The following IMMP2L variants were observed in gnomAD, a reference collection of about 807,000 sequenced individuals.
The protein encoded by IMMP2L is mitochondrial inner membrane protease subunit 2.
Under a neutral mutation model 19.3 loss-of-function variants are expected in IMMP2L, and 18 were observed. The ratio of observed to expected loss-of-function variants is 0.93; its 90% confidence interval spans 0.64 to 1.38. The LOEUF (loss-of-function observed/expected upper bound fraction) is 1.38. IMMP2L is among the 40% of genes most tolerant of loss of function. The probability of loss-of-function intolerance (pLI) is 0.00; values close to 1 mark genes in which losing one functional copy is unlikely to be tolerated. For synonymous variants in IMMP2L, 76 were observed against 73.0 expected, an observed-to-expected ratio of 1.04 and a Z score of -0.21; for missense variants, 233 against 218.2, an observed-to-expected ratio of 1.07 and a Z score of -0.43.
At chr7:110,792,594 C>G (rs1800539065) in intron 5 of IMMP2L, among the ~76,000 whole-genome samples, 2 of 152,190 alleles carry the variant, frequency 1.3e-5, no homozygotes, top group African/African-American at 4.8e-5. Flanking sequence ...CCCCACAGTA[C>G]AGTTTCTCCC....
intron 5 of IMMP2L, among the ~76,000 whole-genome samples, chr7:110,722,998 A>T (rs534623238): frequency 6.6e-6 from 1 of 152,178 alleles, no homozygotes; most frequent in South Asian, 2.1e-4. Context: ...ACTTGTCTTC[A>T]GTTCTATGTA....
intron 3 of IMMP2L, among the ~76,000 whole-genome samples, chr7:111,269,642 G>GT (rs200603165): frequency 0.091 from 13,733 of 151,308 alleles, 666 homozygotes; most frequent in Middle Eastern, 0.12. Context: ...ATGTATTACA[G>GT]TTTTTTTTAA....
chr7:111,123,085 T>C lies in IMMP2L; in HGVS notation c.240-159520A>G. The C allele has an allele frequency of 1.2e-6, 2 of 1,613,818 alleles. No individual in the cohort carries two copies. The highest frequency in any genetic ancestry group is 1.7e-6 in the Non-Finnish European group (2 of 1,179,912). ...CCTGGATTTATCTCAAAACAATTTATCTTCAGTCACCAATATTAATGTAAA... is the reference window on the plus strand; with the variant it reads ...CCTGGATTTATCTCAAAACAATTTACCTTCAGTCACCAATATTAATGTAAA... On this transcript the variant is annotated intron_variant, in intron 3 of 5. Coordinates refer to ENST00000405709, the MANE Select transcript of IMMP2L (RefSeq NM_032549.4). The surrounding 1 kb of genome is among the most constrained non-coding windows in gnomAD (Gnocchi z 6.4).
At chr7:110,871,028 C>A (rs1433782264) in intron 5 of IMMP2L, among the ~76,000 whole-genome samples, 1 of 151,950 alleles carries the variant, frequency 6.6e-6, no homozygotes, top group Non-Finnish European at 1.5e-5. Context: ...GAATAAAGCA[C>A]GTGACTCTAG....
intron 3 of IMMP2L, among the ~76,000 whole-genome samples, chr7:111,323,159 A>T (rs963180792): frequency 1.3e-5 from 2 of 151,962 alleles, no homozygotes; most frequent in Admixed American, 1.3e-4. Flanking sequence ...AGTCAGAAAA[A>T]CAGCAAAATT....
chr7:110,861,069 TTG>T lies in IMMP2L; in HGVS notation c.408+25522_408+25523del, dbSNP rs754363475. On this transcript the variant is annotated intron_variant, in intron 5 of 5. Transcript: ENST00000405709. ...TAAAAGAATGACTACCACCAGCAGT[TTG>T]TGTGTGTGTGTGTGTGTGTGTGTGT... Among the ~76,000 whole-genome samples, 761 of 129,072 alleles carry T rather than the reference TTG, an allele frequency of 5.9e-3. 4 individuals are homozygous for T. Among genetic ancestry groups the T allele is most frequent in the Non-Finnish European group, 9.5e-3 (581 of 60,866 alleles). The allele number at this position is 129,072 out of a possible 152,430, so 84.7% of individuals were successfully genotyped here.
intron 3 of IMMP2L, among the ~76,000 whole-genome samples, chr7:111,036,238 G>A (rs1007083844): frequency 2.3e-4 from 35 of 151,862 alleles, no homozygotes; most frequent in Admixed American, 2.2e-3. Context: ...CCTTTCCTCC[G>A]AAACCTTCCT....
chr7:110,961,305 T>C (rs1283203775), intron 4 of IMMP2L, among the ~76,000 whole-genome samples: 1 of 151,910 alleles, frequency 6.6e-6, no homozygotes, highest in African/African-American at 2.4e-5. Flanking sequence ...TATTTGCATA[T>C]AACTATGCAC....
intron 1 of IMMP2L, among the ~76,000 whole-genome samples, chr7:111,522,951 A>C (rs1294737287): frequency 2.0e-5 from 3 of 150,848 alleles, no homozygotes; most frequent in Non-Finnish European, 2.9e-5. Context: ...TTTCACCATA[A>C]AAAAAGAATG....
At chr7:110,753,782 TTAG>T (rs750003559) in intron 5 of IMMP2L, among the ~76,000 whole-genome samples, 21 of 143,126 alleles carry the variant, frequency 1.5e-4, no homozygotes, top group Non-Finnish European at 2.9e-4. Flanking sequence ...GTGTGTGTGG[TTAG>T]TAGAAGACGA....
At chr7:110,787,419 GCAGTTGCTT>G (rs1800159078) in intron 5 of IMMP2L, among the ~76,000 whole-genome samples, 1 of 151,820 alleles carries the variant, frequency 6.6e-6, no homozygotes, top group African/African-American at 2.4e-5. Context: ...GAGGGCTTAC[GCAGTTGCTT>G]TATGCCAATT....
chr7:110,888,092 G>A (rs994445704), intron 4 of IMMP2L, among the ~76,000 whole-genome samples: 6 of 152,156 alleles, frequency 3.9e-5, no homozygotes, highest in African/African-American at 7.2e-5. Context: ...TTCATGCAAC[G>A]AAGCAATATT....
chr7:111,182,946 G>C (rs1008256897), intron 3 of IMMP2L, among the ~76,000 whole-genome samples: 3 of 151,966 alleles, frequency 2.0e-5, no homozygotes, highest in Admixed American at 6.6e-5. Flanking sequence ...TACAGACATA[G>C]ACTGGCAGTT....
chr7:110,691,653 C>G (rs1248251485), intron 5 of IMMP2L, among the ~76,000 whole-genome samples: 1 of 151,996 alleles, frequency 6.6e-6, no homozygotes, highest in Admixed American at 6.6e-5. Context: ...GGGCAAAGGA[C>G]ATGGATAGAC....
chr7:110,727,232 A>G lies in IMMP2L; in HGVS notation c.409-63511T>C, dbSNP rs1417592042. Among the ~76,000 whole-genome samples, 2 of 152,114 alleles carry G rather than the reference A, an allele frequency of 1.3e-5. No homozygotes were observed. Among genetic ancestry groups the G allele is most frequent in the Non-Finnish European group, 2.9e-5 (2 of 68,020 alleles). On this transcript the variant is annotated intron_variant, in intron 5 of 5. Transcript: ENST00000405709. The surrounding 1 kb of genome is among the most constrained non-coding windows in gnomAD (Gnocchi z 4.3). ...GTGAAACCACGTCTCTACTAAAAATACAAAAAAATGTAGTTGGGCAGGGTG... is the reference window on the plus strand; with the variant it reads ...GTGAAACCACGTCTCTACTAAAAATGCAAAAAAATGTAGTTGGGCAGGGTG...
intron 5 of IMMP2L, among the ~76,000 whole-genome samples, chr7:110,833,341 A>G (rs1267562718): frequency 6.6e-6 from 1 of 150,558 alleles, no homozygotes; most frequent in Non-Finnish European, 1.5e-5. Context: ...CAAGAAGCTG[A>G]GGCAGGAGAA....
chr7:110,671,632 C>T (rs1791927531), intron 5 of IMMP2L, among the ~76,000 whole-genome samples: 3 of 152,126 alleles, frequency 2.0e-5, no homozygotes, highest in African/African-American at 7.2e-5. Context: ...TGAGCCCAGC[C>T]TTTCCTTCAG....
At chr7:110,863,090 A>G (rs1226634520) in intron 5 of IMMP2L, among the ~76,000 whole-genome samples, 4 of 152,108 alleles carry the variant, frequency 2.6e-5, no homozygotes, top group Non-Finnish European at 5.9e-5. Context: ...TGAGTCTTAA[A>G]TCCTCTGTTA....
intron 3 of IMMP2L, among the ~76,000 whole-genome samples, chr7:111,145,746 C>T (rs1354701356): frequency 6.6e-6 from 1 of 152,024 alleles, no homozygotes; most frequent in Non-Finnish European, 1.5e-5. Flanking sequence ...TCATGAGCCA[C>T]TTCTTACTAA....
Sources: allele counts gnomAD v4.1 joint callset (sites outside exome capture counted in the v4.1 genomes callset), GRCh38; gene constraint gnomAD v4.1.1; non-coding constraint Gnocchi (gnomAD v3.1); transcripts MANE v1.5; gene names NCBI Gene and HGNC (gene_info 2026-07-23, HGNC 2026-07-21).